The following IQCH variants were observed in gnomAD, a reference collection of about 807,000 sequenced individuals.
IQCH encodes the protein IQ motif containing H, also known as IQ domain-containing protein H.
A neutral mutation model predicts 117.0 loss-of-function variants in IQCH; 98 were observed. The observed-to-expected ratio is 0.84, with a 90% CI of 0.71 to 0.99. The LOEUF is 0.99. Ranked by LOEUF, IQCH falls within the 50% of genes least tolerant of loss-of-function variation. The pLI is 0.00. For synonymous variants in IQCH, 412 were observed against 448.2 expected (o/e 0.92, Z 1.02); for missense variants, 1,102 against 1,243.8 (o/e 0.89, Z 1.72).
At chr15:67,439,964 A>T (rs1159536889) in intron 16 of IQCH, among the ~76,000 whole-genome samples, 1 of 152,084 alleles carries the variant, frequency 6.6e-6, no homozygotes, top group Non-Finnish European at 1.5e-5. Context: ...AAATTGATAG[A>T]CCATTAGCAA....
rs147283058 is a variant in IQCH at position 67,351,391 on chromosome 15, A to G, written c.638-5954A>G. ...TTGCTGAAGGTGATGGTTTGAATAG[A>G]CCATAGTTAATTTATCCAGTCTTCT... On this transcript the variant is annotated intron_variant, in intron 6 of 20. Transcript: ENST00000335894. 1.1e-3 allele frequency among the ~76,000 whole-genome samples: 175 copies of G among 152,204 alleles called. 1 individual carries two copies. The highest frequency in any genetic ancestry group is 6.8e-3 in the Middle Eastern group (2 of 294).
intron 4 of IQCH, among the ~76,000 whole-genome samples, chr15:67,335,338 C>T (rs773564551): frequency 6.6e-6 from 1 of 152,086 alleles, no homozygotes; most frequent in Non-Finnish European, 1.5e-5. Flanking sequence ...TGAGAAAATC[C>T]GGATAAATTA....
At chr15:67,277,679 A>G (rs1294141730) in intron 3 of IQCH, among the ~76,000 whole-genome samples, 1 of 151,966 alleles carries the variant, frequency 6.6e-6, no homozygotes, top group Non-Finnish European at 1.5e-5. Flanking sequence ...AACAACAGGC[A>G]CATGCCACCA....
intron 10 of IQCH, among the ~76,000 whole-genome samples, chr15:67,374,372 G>T (rs907554120): frequency 6.6e-6 from 1 of 152,142 alleles, no homozygotes; most frequent in African/African-American, 2.4e-5. Flanking sequence ...TAAGTGATCT[G>T]TTGTAACAGA....
rs1392183487 is a variant in IQCH, at chr15:67,365,069, G to A, written c.753+5184G>A. Among the ~76,000 whole-genome samples, 1 of 152,188 alleles carries A rather than the reference G, an allele frequency of 6.6e-6. No individual in the cohort carries two copies. Among genetic ancestry groups the A allele is most frequent in the Non-Finnish European group, 1.5e-5 (1 of 68,044 alleles). ...CAGTCCTCCCACCTCACAGTCCTGA[G>A]TAGCTGGGACTACAGGCATATGCCA... is the stretch of plus-strand genomic sequence containing the variant. On this transcript the variant is annotated intron_variant, in intron 8 of 20. Coordinates refer to ENST00000335894, the MANE Select transcript of IQCH (RefSeq NM_001031715.3). This position sits in a 1 kb window ranked among gnomAD's most constrained non-coding sequence, Gnocchi z 4.4.
rs910041358 is a variant in IQCH, at chr15:67,417,945, G to T, written c.2218+894G>T. Reference sequence around the variant, plus strand: ...TCAGATGATAACAGCAGCAGCAATAGCACAGTGATGATAATAATAGTGAGC... The same window carrying T: ...TCAGATGATAACAGCAGCAGCAATATCACAGTGATGATAATAATAGTGAGC... On this transcript the variant is annotated intron_variant, in intron 15 of 20. Transcript: ENST00000335894. The surrounding 1 kb of genome is among the most constrained non-coding windows in gnomAD (Gnocchi z 4.3). 6.6e-6 allele frequency among the ~76,000 whole-genome samples: 1 copy of T among 152,184 alleles called. No individual in the cohort carries two copies. Among genetic ancestry groups the T allele is most frequent in the Non-Finnish European group, 1.5e-5 (1 of 68,048 alleles).
At chr15:67,355,552 T>C (rs965104129) in intron 6 of IQCH, among the ~76,000 whole-genome samples, 1 of 150,900 alleles carries the variant, frequency 6.6e-6, no homozygotes, top group African/African-American at 2.4e-5. Flanking sequence ...ATTGTGCCAC[T>C]GCACTCCAGC....
At position 67,279,503 on chromosome 15, in the gene IQCH, A is replaced by AT; in HGVS notation, c.378_379insT (p.Arg127Ter). The AT allele has an allele frequency of 6.3e-7, 1 of 1,584,006 alleles. No homozygotes were observed. The highest frequency in any genetic ancestry group is 1.1e-5 in the South Asian group (1 of 88,398). ...ACAGTTCATCTCTGCCTGTCTTTCC[A>AT]AGAGCAAAGGTAGGTATAGAGAAAT... On this transcript the variant is annotated frameshift_variant, in exon 4 of 21. Coordinates refer to ENST00000335894, the MANE Select transcript of IQCH (RefSeq NM_001031715.3). LOFTEE classifies it high-confidence loss of function.
intron 16 of IQCH, chr15:67,460,011 T>C (rs1299910005): frequency 6.6e-6 from 1 of 152,118 alleles, no homozygotes. Context: ...TTAGCAGGGT[T>C]TGGTGGTGCA....
chr15:67,362,634 T>A (rs1380119482), intron 8 of IQCH, among the ~76,000 whole-genome samples: 2 of 152,244 alleles, frequency 1.3e-5, no homozygotes, highest in South Asian at 2.1e-4. Flanking sequence ...GGAGATTGGA[T>A]CAAATCAGTG....
rs1365705695 is a variant in IQCH, at chr15:67,453,196, T to C, written c.2506-11931T>C. Among the ~76,000 whole-genome samples the C allele has an allele frequency of 6.6e-6, 1 of 152,246 alleles. No homozygotes were observed. Among genetic ancestry groups the C allele is most frequent in the African/African-American group, 2.4e-5 (1 of 41,460 alleles). On this transcript the variant is annotated intron_variant, in intron 16 of 20. Transcript: ENST00000335894. The surrounding 1 kb of genome is among the most constrained non-coding windows in gnomAD (Gnocchi z 5.8). ...TTTCCTCCTGTAGCTCAGAGTAGTT[T>C]GATCATCTGAAGCCTTCTTCTCTCA...
intron 3 of IQCH, among the ~76,000 whole-genome samples, chr15:67,276,354 C>T (rs1966122178): frequency 6.6e-6 from 1 of 152,160 alleles, no homozygotes; most frequent in Admixed American, 6.5e-5. Context: ...CTTTAAAAGA[C>T]TCTGAAAGAC....
intron 6 of IQCH, among the ~76,000 whole-genome samples, chr15:67,350,874 A>G (rs797020818): frequency 6.6e-6 from 1 of 152,214 alleles, no homozygotes; most frequent in South Asian, 2.1e-4. Context: ...ATAATGGGGG[A>G]GGGACACCTG....
At chr15:67,339,132 T>C (rs1969031893) in intron 5 of IQCH, among the ~76,000 whole-genome samples, 1 of 152,196 alleles carries the variant, frequency 6.6e-6, no homozygotes. Context: ...AGAATAGTTG[T>C]TGACACATAA....
At chr15:67,489,068 C>T (rs568869608) in intron 18 of IQCH, among the ~76,000 whole-genome samples, 4 of 150,902 alleles carry the variant, frequency 2.7e-5, no homozygotes, top group South Asian at 2.1e-4. Flanking sequence ...GAGTCTCGCT[C>T]TGTTGCCCAG....
rs1011015077 is a variant in IQCH, at chr15:67,436,570, G to A, written c.2505+14993G>A. On this transcript the variant is annotated intron_variant, in intron 16 of 20. Coordinates refer to ENST00000335894, the MANE Select transcript of IQCH (RefSeq NM_001031715.3). The surrounding 1 kb of genome is among the most constrained non-coding windows in gnomAD (Gnocchi z 5.1). ...TGAACAGGGTGAGAAGCCTCCTGGCGAGAACTCAGGGGAGGGCACAAATCC... is the reference window on the plus strand; with the variant it reads ...TGAACAGGGTGAGAAGCCTCCTGGCAAGAACTCAGGGGAGGGCACAAATCC... Among the ~76,000 whole-genome samples the A allele has an allele frequency of 1.1e-4, 16 of 152,292 alleles. No homozygotes were observed. In the East Asian group the frequency reaches 2.7e-3, roughly 26 times the overall value.
Position 67,460,365 on chromosome 15 carries a change from A to T in IQCH, c.2506-4762A>T, listed in dbSNP as rs557914874. On this transcript the variant is annotated intron_variant, in intron 16 of 20. Transcript: ENST00000335894. ...TCATCTAGTCTTTTCTACATATATT[A>T]GTTTTGCAAAGCTGAAGTCATGTTG... 8.5e-5 allele frequency among the ~76,000 whole-genome samples: 13 copies of T among 152,310 alleles called. No homozygotes were observed. In the East Asian group the frequency reaches 1.4e-3, roughly 16 times the overall value.
intron 1 of IQCH, chr15:67,255,211 C>T: frequency 1.9e-6 from 1 of 537,956 alleles, no homozygotes; most frequent in Non-Finnish European, 3.3e-6. Context: ...GGAACCTTTA[C>T]TTCAGAAAAA....
At chr15:67,317,854 A>G (rs1967924227) in intron 4 of IQCH, among the ~76,000 whole-genome samples, 2 of 151,998 alleles carry the variant, frequency 1.3e-5, no homozygotes, top group African/African-American at 4.8e-5. Flanking sequence ...TTTGAGCCAT[A>G]TTTCTCTCAT....
Sources: allele counts gnomAD v4.1 joint callset (sites outside exome capture counted in the v4.1 genomes callset), GRCh38; gene constraint gnomAD v4.1.1; non-coding constraint Gnocchi (gnomAD v3.1); transcripts MANE v1.5; gene names NCBI Gene and HGNC (gene_info 2026-07-23, HGNC 2026-07-21).